Variants in KIRREL3 observed in about 807,000 individuals in gnomAD.
KIRREL3 encodes the protein kin of IRRE-like protein 3.
Under a neutral mutation model 89.7 loss-of-function variants are expected in KIRREL3, and 36 were observed. The ratio of observed to expected loss-of-function variants is 0.40; its 90% CI spans 0.31 to 0.53. KIRREL3 has a LOEUF of 0.53. Ranked by LOEUF, KIRREL3 falls within the 20% of genes least tolerant of loss-of-function variation. The pLI is 0.49. For synonymous variants in KIRREL3, 445 were observed against 441.4 expected (o/e 1.01, Z -0.10); for missense variants, 864 against 1,056.6 (o/e 0.82, Z 2.53).
chr11:126,511,431 G>A (rs552445295), intron 4 of KIRREL3, among the ~76,000 whole-genome samples: 2 of 152,222 alleles, frequency 1.3e-5, no homozygotes, highest in East Asian at 3.9e-4. Context: ...CTACAACACA[G>A]GTCCCCTCAC....
Position 126,521,747 on chromosome 11 carries a change from C to T in KIRREL3, c.284-283G>A, listed in dbSNP as rs56152021. On this transcript the variant is annotated intron_variant, in intron 3 of 16. Transcript: ENST00000525144. This position sits in a 1 kb window ranked among gnomAD's most constrained non-coding sequence, Gnocchi z 4.1. Reference sequence around the variant, plus strand: ...GTGTGTGTGTATAAGGGCATTTGGTCTGTTTGTTAGTTTTTGAGACAGGGT... The same window carrying T: ...GTGTGTGTGTATAAGGGCATTTGGTTTGTTTGTTAGTTTTTGAGACAGGGT... Among the ~76,000 whole-genome samples, 40,496 of 145,906 alleles carry T rather than the reference C, an allele frequency of 0.28. 6,760 individuals carry two copies. The highest frequency in any genetic ancestry group is 0.47 in the African/African-American group (18,461 of 39,444).
Position 126,782,020 on chromosome 11 carries a change from A to G in KIRREL3, c.55+218435T>C, listed in dbSNP as rs112164905. On this transcript the variant is annotated intron_variant, in intron 1 of 16. Transcript: ENST00000525144. The surrounding 1 kb of genome is among the most constrained non-coding windows in gnomAD (Gnocchi z 4.1). ...AAATAAAAAAGATTTGGGGAAAGTT[A>G]ACACATTGACTAAAATTCACACTAG... is the stretch of plus-strand genomic sequence containing the variant. Among the ~76,000 whole-genome samples, 276 of 152,338 alleles carry G rather than the reference A, an allele frequency of 1.8e-3. No individual in the cohort carries two copies. Among genetic ancestry groups the G allele is most frequent in the Non-Finnish European group, 3.1e-3 (211 of 68,034 alleles).
intron 1 of KIRREL3, among the ~76,000 whole-genome samples, chr11:126,951,854 C>T (rs1739302400): frequency 6.6e-6 from 1 of 152,142 alleles, no homozygotes; most frequent in African/African-American, 2.4e-5. Flanking sequence ...TGGCTAAATG[C>T]TCCCTGGAAA....
At chr11:126,968,310 T>C (rs1317757289) in intron 1 of KIRREL3, among the ~76,000 whole-genome samples, 1 of 152,158 alleles carries the variant, frequency 6.6e-6, no homozygotes, top group Non-Finnish European at 1.5e-5. Flanking sequence ...GCTCCAGATG[T>C]AGGCAATAAC....
rs117279172 is a variant in KIRREL3 at position 126,887,842 on chromosome 11, G to C, written c.55+112613C>G. 9.2e-3 allele frequency among the ~76,000 whole-genome samples: 1,408 copies of C among 152,304 alleles called. 11 individuals carry two copies. Among genetic ancestry groups the C allele is most frequent in the Non-Finnish European group, 0.013 (860 of 68,024 alleles). ...AAGATAGGCGTAACCTTCAGAATCAGTTAAACATAGGTGAGGTCACCTGTC... is the reference window on the plus strand; with the variant it reads ...AAGATAGGCGTAACCTTCAGAATCACTTAAACATAGGTGAGGTCACCTGTC... On this transcript the variant is annotated intron_variant, in intron 1 of 16. Transcript: ENST00000525144.
At chr11:126,921,027 GC>G (rs1000944256) in intron 1 of KIRREL3, among the ~76,000 whole-genome samples, 2 of 152,134 alleles carry the variant, frequency 1.3e-5, no homozygotes, top group African/African-American at 4.8e-5. Context: ...CATCTCTCTC[GC>G]CCCCTGTGGG....
rs150334139 is a variant in KIRREL3 at position 126,604,645 on chromosome 11, G to C, written c.56-41733C>G. Among the ~76,000 whole-genome samples the C allele has an allele frequency of 1.8e-3, 274 of 152,286 alleles. 1 individual carries two copies. Among genetic ancestry groups the C allele is most frequent in the African/African-American group, 6.4e-3 (264 of 41,562 alleles). ...GGTGTGTCCTGTGGGCCACATGGGG[G>C]TGGGTGGGTGTTCACAGCACACTGC... On this transcript the variant is annotated intron_variant, in intron 1 of 16. Transcript: ENST00000525144.
rs78570564 is a variant in KIRREL3, at chr11:126,880,373, G to A, written c.55+120082C>T. On this transcript the variant is annotated intron_variant, in intron 1 of 16. Transcript: ENST00000525144. ...AGAACATCAGTCAAATCGTCCCTTCGTCTCTGGTTCCAAAGTACCCTGCAA... is the reference window on the plus strand; with the variant it reads ...AGAACATCAGTCAAATCGTCCCTTCATCTCTGGTTCCAAAGTACCCTGCAA... 7.5e-3 allele frequency among the ~76,000 whole-genome samples: 1,142 copies of A among 152,182 alleles called. 17 individuals are homozygous for A. Among genetic ancestry groups the A allele is most frequent in the African/African-American group, 0.025 (1,044 of 41,532 alleles).
intron 1 of KIRREL3, among the ~76,000 whole-genome samples, chr11:126,798,593 G>A (rs933674680): frequency 1.8e-4 from 28 of 152,196 alleles, no homozygotes; most frequent in Non-Finnish European, 3.1e-4. Flanking sequence ...AGCTCAGTGG[G>A]GAGTGTGGGG....
chr11:126,975,872 C>T (rs1949550545), intron 1 of KIRREL3, among the ~76,000 whole-genome samples: 1 of 150,026 alleles, frequency 6.7e-6, no homozygotes, highest in South Asian at 2.1e-4. Context: ...ACATAATTCC[C>T]AGGTTTTTCT....
Position 126,708,602 on chromosome 11 carries a change from G to A in KIRREL3, c.56-145690C>T, listed in dbSNP as rs1413126374. ...TCCGGGGTGGGGAAGGAAGGAGGGCGTTCGGCTCAACGTCCAGGAGAGGCA... is the reference window on the plus strand; with the variant it reads ...TCCGGGGTGGGGAAGGAAGGAGGGCATTCGGCTCAACGTCCAGGAGAGGCA... On this transcript the variant is annotated intron_variant, in intron 1 of 16. Coordinates refer to ENST00000525144, the MANE Select transcript of KIRREL3 (RefSeq NM_032531.4). This position sits in a 1 kb window ranked among gnomAD's most constrained non-coding sequence, Gnocchi z 5.7. Among the ~76,000 whole-genome samples the A allele has an allele frequency of 1.3e-5, 2 of 152,136 alleles. No individual in the cohort carries two copies. Among genetic ancestry groups the A allele is most frequent in the East Asian group, 1.9e-4 (1 of 5,196 alleles).
intron 12 of KIRREL3, among the ~76,000 whole-genome samples, chr11:126,435,872 A>G (rs1955305807): frequency 6.6e-6 from 1 of 152,062 alleles, no homozygotes; most frequent in Non-Finnish European, 1.5e-5. Context: ...GTCAGGACTG[A>G]GGCCTCCTGG....
In KIRREL3 at chr11:126,931,691, T is replaced by C. The variant is rs772537500; in HGVS notation, c.55+68764A>G. Among the ~76,000 whole-genome samples the C allele has an allele frequency of 1.3e-5, 2 of 152,226 alleles. No individual in the cohort carries two copies. The highest frequency in any genetic ancestry group is 2.9e-5 in the Non-Finnish European group (2 of 68,038). ...GAATAGTGGCAGATACCCATATTCATTCTTCCTTACAGCATTCTGGGGAAG... is the reference window on the plus strand; with the variant it reads ...GAATAGTGGCAGATACCCATATTCACTCTTCCTTACAGCATTCTGGGGAAG... On this transcript the variant is annotated intron_variant, in intron 1 of 16. Coordinates refer to ENST00000525144, the MANE Select transcript of KIRREL3 (RefSeq NM_032531.4). The surrounding 1 kb of genome is among the most constrained non-coding windows in gnomAD (Gnocchi z 5.1).
chr11:126,966,130 C>A (rs542890965), intron 1 of KIRREL3, among the ~76,000 whole-genome samples: 2 of 152,182 alleles, frequency 1.3e-5, no homozygotes, highest in Admixed American at 1.3e-4. Context: ...TTATTTTATC[C>A]TGCAATAGGA....
intron 1 of KIRREL3, among the ~76,000 whole-genome samples, chr11:126,718,182 C>G (rs929794916): frequency 3.3e-5 from 5 of 152,308 alleles, no homozygotes; most frequent in African/African-American, 1.2e-4. Flanking sequence ...CCTGCAGCCA[C>G]ATTTCTGCCC....
chr11:126,681,756 C>T (rs1199590942), intron 1 of KIRREL3: 1 of 379,408 alleles, frequency 2.6e-6, no homozygotes, highest in Admixed American at 3.4e-5. Flanking sequence ...TTAGTGTTAA[C>T]TCCACTCCCA....
At chr11:126,646,562 A>C (rs1223234760) in intron 1 of KIRREL3, among the ~76,000 whole-genome samples, 1 of 149,790 alleles carries the variant, frequency 6.7e-6, no homozygotes, top group African/African-American at 2.5e-5. Flanking sequence ...GCAAACTTCA[A>C]CTCCTGGGTT....
chr11:126,895,569 C>G (rs577437872), intron 1 of KIRREL3, among the ~76,000 whole-genome samples: 37 of 152,074 alleles, frequency 2.4e-4, no homozygotes, highest in Admixed American at 6.5e-5. Flanking sequence ...CTGGGACAAG[C>G]CTTTGGGATT....
chr11:126,839,755 C>G (rs1255830369), intron 1 of KIRREL3, among the ~76,000 whole-genome samples: 3 of 152,178 alleles, frequency 2.0e-5, no homozygotes, highest in African/African-American at 7.2e-5. Flanking sequence ...AATTTGCATG[C>G]TTCGGTAATG....
Sources: allele counts gnomAD v4.1 joint callset (sites outside exome capture counted in the v4.1 genomes callset), GRCh38; gene constraint gnomAD v4.1.1; non-coding constraint Gnocchi (gnomAD v3.1); transcripts MANE v1.5; gene names NCBI Gene and HGNC (gene_info 2026-07-23, HGNC 2026-07-21).